SETD4: variants seen among roughly 807,000 people sequenced by gnomAD.
The protein encoded by SETD4 is SET domain-containing protein 4.
SETD4 carries 46 observed loss-of-function variants against 58.3 expected under a neutral mutation model. The observed-to-expected ratio is 0.79, with a 90% CI of 0.62 to 1.01. The LOEUF is 1.01. Ranked by LOEUF, SETD4 falls within the 50% of genes least tolerant of loss-of-function variation. The pLI, the probability that SETD4 is intolerant of heterozygous loss-of-function variation, is 0.00. For missense variants in SETD4, 490 were observed against 523.3 expected (o/e 0.94, Z 0.62); for synonymous variants, 190 against 202.6 (o/e 0.94, Z 0.53).
At chr21:36,054,588 C>T (rs558637693) in intron 3 of SETD4, among the ~76,000 whole-genome samples, 4 of 152,130 alleles carry the variant, frequency 2.6e-5, no homozygotes, top group Non-Finnish European at 5.9e-5. Flanking sequence ...ATGCTCCCGG[C>T]TCATGGTGGG....
chr21:36,040,886 C>A (rs769446480), intron 8 of SETD4, among the ~76,000 whole-genome samples: 1 of 152,028 alleles, frequency 6.6e-6, no homozygotes, highest in Non-Finnish European at 1.5e-5. Context: ...GCTGGCCGGG[C>A]GCAGTGCCTC....
chr21:36,048,833 T>G (rs149978087), intron 4 of SETD4, among the ~76,000 whole-genome samples: 63 of 151,204 alleles, frequency 4.2e-4, no homozygotes, highest in African/African-American at 1.5e-3. Flanking sequence ...TTCTCCTGCC[T>G]CAGCCTCCCA....
intron 3 of SETD4, among the ~76,000 whole-genome samples, chr21:36,055,581 A>G (rs2064948031): frequency 6.6e-6 from 1 of 152,196 alleles, no homozygotes; most frequent in African/African-American, 2.4e-5. Flanking sequence ...TGAATTCCCC[A>G]GAGTTCATAC....
chr21:36,046,296 AC>A (rs1014288111), intron 5 of SETD4, among the ~76,000 whole-genome samples: 1 of 137,958 alleles, frequency 7.2e-6, no homozygotes, highest in Non-Finnish European at 1.6e-5. Context: ...TTGCAAAAAA[AC>A]CTCTTTGCTT....
At chr21:36,038,805 T>G (rs2063903954) in intron 9 of SETD4, among the ~76,000 whole-genome samples, 1 of 151,768 alleles carries the variant, frequency 6.6e-6, no homozygotes, top group Admixed American at 6.6e-5. Context: ...ACTACAAAGG[T>G]TCGCAGGAAA....
chr21:36,054,936 G>A (rs1005620834), intron 3 of SETD4, among the ~76,000 whole-genome samples: 7 of 151,918 alleles, frequency 4.6e-5, no homozygotes, highest in African/African-American at 1.7e-4. Context: ...GGCTCATGGT[G>A]GGAATTCCTG....
Position 36,045,790 on chromosome 21 carries a change from G to A in SETD4, c.518C>T (p.Ser173Phe). 2.5e-6 allele frequency: 4 copies of A among 1,614,178 alleles called. No homozygotes were observed. Among genetic ancestry groups the A allele is most frequent in the Non-Finnish European group, 3.4e-6 (4 of 1,180,038 alleles). Reference sequence around the variant, plus strand: ...CTGCAGAGAAGAGAAAAAGTCTCTGGAGGAAGCAAAGAACTCCTGCACGTG... The same window carrying A: ...CTGCAGAGAAGAGAAAAAGTCTCTGAAGGAAGCAAAGAACTCCTGCACGTG... ...RAHVQEFFAS[S>F]RDFFSSLQPL... is the part of the protein sequence containing the mutation. The change falls in exon 6 of 12, where the codon TCC becomes TTC. Residue 173 changes from serine (S) to phenylalanine (F), a missense_variant. By Grantham distance (155) the Ser-to-Phe change is radical. Coordinates refer to ENST00000332131, the MANE Select transcript of SETD4 (RefSeq NM_017438.5).
intron 7 of SETD4, 176 bp downstream of exon 7, chr21:36,043,606 A>C: frequency 7.1e-7 from 1 of 1,406,622 alleles, no homozygotes. Context: ...CGTTGTTTTT[A>C]CTTCAACACT....
At chr21:36,053,465 A>G in intron 4 of SETD4, 118 bp downstream of exon 4, 1 of 974,810 alleles carries the variant, frequency 1.0e-6, no homozygotes, top group Non-Finnish European at 1.6e-6. Context: ...AAATATATCT[A>G]TTAGGTAAGT....
rs2064291805 is a variant in SETD4 at position 36,045,717 on chromosome 21, C to T, written c.591G>A (p.Leu197=). The T allele has an allele frequency of 6.2e-7, 1 of 1,614,218 alleles. No homozygotes were observed. Among genetic ancestry groups the T allele is most frequent in the Non-Finnish European group, 8.5e-7 (1 of 1,180,040 alleles). ...TGTTGACGGTGCACCAAGCCCACAG[C>T]AGGGCACTGTAGCTGAAGATGCTGT... ...AVDSIFSYSA[L]LWAWCTVNTR... The change falls in exon 6 of 12, where the codon CTG becomes CTA. Residue 197 remains leucine (L), a synonymous_variant. Coordinates refer to ENST00000332131, the MANE Select transcript of SETD4 (RefSeq NM_017438.5).
chr21:36,052,680 T>G (rs184805397), intron 4 of SETD4, among the ~76,000 whole-genome samples: 1 of 152,270 alleles, frequency 6.6e-6, no homozygotes, highest in Admixed American at 6.5e-5. Flanking sequence ...AAGATAATTT[T>G]TAAATAAAGG....
intron 3 of SETD4, among the ~76,000 whole-genome samples, chr21:36,056,153 T>C (rs749654161): frequency 2.2e-4 from 33 of 152,312 alleles, no homozygotes; most frequent in Admixed American, 1.0e-3. Flanking sequence ...AACTGACTCA[T>C]GGAGAACAAC....
intron 9 of SETD4, among the ~76,000 whole-genome samples, chr21:36,038,908 G>A (rs1448937034): frequency 2.0e-5 from 3 of 152,060 alleles, no homozygotes; most frequent in Admixed American, 1.3e-4. Flanking sequence ...AGGTGGCAGC[G>A]CCAGACCTAG....
chr21:36,053,555 G>A (rs750723502), intron 4 of SETD4, 28 bp downstream of exon 4: 5 of 1,613,274 alleles, frequency 3.1e-6, no homozygotes, highest in South Asian at 2.2e-5. Flanking sequence ...TCTACATTGG[G>A]TTTCAAGGAT....
chr21:36,051,059 T>C (rs1462336318), intron 4 of SETD4: 8 of 1,454,992 alleles, frequency 5.5e-6, no homozygotes, highest in Non-Finnish European at 9.7e-7. Flanking sequence ...CCAATGCAAA[T>C]GTAGGTTTCA....
rs139442697 is a variant in SETD4 at position 36,057,813 on chromosome 21, G to C, written c.74-609C>G. On this transcript the variant is annotated intron_variant, in intron 2 of 11. Coordinates refer to ENST00000332131, the MANE Select transcript of SETD4 (RefSeq NM_017438.5). ...GGAAGAGGTCCACACGTAAATTTTT[G>C]ACAAAGTGCAAAGGCAAATCAGTGG... is the stretch of plus-strand genomic sequence containing the variant. Among the ~76,000 whole-genome samples, 297 of 152,302 alleles carry C rather than the reference G, an allele frequency of 2.0e-3. 3 individuals are homozygous for C. In the East Asian group the frequency reaches 0.045, roughly 23 times the overall value.
intron 6 of SETD4, 135 bp from the exon 7 acceptor site, chr21:36,044,091 G>A: frequency 9.3e-7 from 1 of 1,076,746 alleles, no homozygotes; most frequent in East Asian, 2.6e-5. Flanking sequence ...TACGCATAGG[G>A]AAAATGCCAC....
chr21:36,044,684 G>A (rs1016757018), intron 6 of SETD4, among the ~76,000 whole-genome samples: 1 of 152,246 alleles, frequency 6.6e-6, no homozygotes, highest in African/African-American at 2.4e-5. Flanking sequence ...CCTGGGCTAA[G>A]AAAGCAGAGC....
chr21:36,057,228 T>C (rs368878747), intron 2 of SETD4, 24 bp from the exon 3 acceptor site: 4 of 1,566,754 alleles, frequency 2.6e-6, no homozygotes, highest in East Asian at 4.5e-5. Context: ...AGAGAACAAA[T>C]GGTGATTAAA....
Sources: allele counts gnomAD v4.1 joint callset (sites outside exome capture counted in the v4.1 genomes callset), GRCh38; gene constraint gnomAD v4.1.1; transcripts MANE v1.5; gene names NCBI Gene and HGNC (gene_info 2026-07-23, HGNC 2026-07-21).